Variants in TESPA1 observed in about 807,000 individuals in gnomAD.
The protein encoded by TESPA1 is protein TESPA1.
A neutral mutation model predicts 57.9 loss-of-function variants in TESPA1; 33 were observed. The ratio of observed to expected loss-of-function variants is 0.57; its 90% CI spans 0.43 to 0.76. The LOEUF (loss-of-function observed/expected upper bound fraction) is 0.76. TESPA1 is among the 30% of genes least tolerant of loss of function. TESPA1 has a pLI of 0.00. For missense variants in TESPA1, 618 were observed against 632.9 expected (o/e 0.98, Z 0.25); for synonymous variants, 227 against 228.9 (o/e 0.99, Z 0.07).
intron 10 of TESPA1, among the ~76,000 whole-genome samples, chr12:54,958,117 G>T (rs542312014): frequency 2.0e-5 from 3 of 152,320 alleles, no homozygotes; most frequent in African/African-American, 7.2e-5. Context: ...ACAAAGTTGG[G>T]ACAGGTTTGT....
chr12:54,970,913 T>G (rs941676074), intron 3 of TESPA1, among the ~76,000 whole-genome samples: 3 of 152,196 alleles, frequency 2.0e-5, no homozygotes, highest in Non-Finnish European at 4.4e-5. Context: ...CAGATGATTT[T>G]TGGGCTCCCA....
At chr12:54,985,128 C>T (rs181335035), upstream of TESPA1, among the ~76,000 whole-genome samples, 424 of 152,320 alleles carry the variant, frequency 2.8e-3, 2 homozygotes, top group Non-Finnish European at 5.0e-3. Flanking sequence ...AGTTTCCAGT[C>T]GTATCACACA....
chr12:54,980,302 A>G (rs1485409717), intron 1 of TESPA1, among the ~76,000 whole-genome samples: 1 of 152,232 alleles, frequency 6.6e-6, no homozygotes, highest in Non-Finnish European at 1.5e-5. Context: ...TTGTGTTATT[A>G]GAATAATTTC....
chr12:54,965,978 C>G, intron 7 of TESPA1, 75 bp downstream of exon 7: 4 of 1,384,484 alleles, frequency 2.9e-6, no homozygotes, highest in Non-Finnish European at 4.0e-6. Flanking sequence ...AAAAAACAGG[C>G]AATGGCTCTT....
Position 54,967,197 on chromosome 12 carries a change from G to T in TESPA1, c.296C>A (p.Thr99Asn). Residue 99 changes from threonine to asparagine, a missense_variant, in exon 5 of 11, where the codon ACC (threonine) becomes AAC (asparagine). By Grantham distance (65) the Thr-to-Asn change is moderately conservative. Transcript: ENST00000449076. ...GTGCCACTTACCCTCCGCTCCCAGG[G>T]TCAAGTCATCTTCAAAGCTGGTCCC... ...SHGTSFEDDL[T>N]LGAEATLLAA... 6.2e-7 allele frequency: 1 copy of T among 1,612,724 alleles called. No homozygotes were observed. The highest frequency in any genetic ancestry group is 2.2e-5 in the East Asian group (1 of 44,832).
At chr12:54,950,623 G>A (rs900046568) in intron 10 of TESPA1, among the ~76,000 whole-genome samples, 3 of 152,128 alleles carry the variant, frequency 2.0e-5, no homozygotes, top group African/African-American at 7.2e-5. Context: ...TACTTATAAA[G>A]GCATACATTT....
chr12:54,956,793 T>C (rs12305555), intron 10 of TESPA1, among the ~76,000 whole-genome samples: 3,269 of 152,258 alleles, frequency 0.021, 102 homozygotes, highest in African/African-American at 0.071. Context: ...AAAGCCTGCA[T>C]CTGGTGAGGG....
chr12:54,961,933 A>G (rs1473135425), intron 9 of TESPA1, among the ~76,000 whole-genome samples: 2 of 152,204 alleles, frequency 1.3e-5, no homozygotes, highest in Admixed American at 6.5e-5. Flanking sequence ...AGGTCTGGGC[A>G]CTGGAAGATA....
At position 54,948,151 on chromosome 12, in the gene TESPA1, A is replaced by T. The variant is rs144183475; in HGVS notation, c.*2241T>A. The stretch of plus-strand genomic sequence containing the variant: ...TAGTGGAAAATTACAGTCAAAGGGG[A>T]TTATTCTCTGGCAGGCAGGGGTGGG... On this transcript the variant is annotated 3_prime_UTR_variant, in exon 11 of 11. Coordinates refer to ENST00000449076, the MANE Select transcript of TESPA1 (RefSeq NM_001136030.3). 3.5e-4 allele frequency: 54 copies of T among 152,186 alleles called. No individual in the cohort carries two copies. In the East Asian group the frequency reaches 9.5e-3, roughly 27 times the overall value. 9.4% of individuals were successfully genotyped at this position (152,186 alleles called of 1,614,324 possible).
In TESPA1 at chr12:54,949,811, G is replaced by T. The variant is rs1256308431; in HGVS notation, c.*581C>A. 2.0e-5 allele frequency: 3 copies of T among 152,448 alleles called. No individual in the cohort carries two copies. The highest frequency in any genetic ancestry group is 2.1e-4 in the South Asian group (1 of 4,830). 9.4% of individuals were successfully genotyped at this position (152,448 alleles called of 1,614,324 possible). ...CTCCAAGTTGATTTCTTCAAAGGAGGTCTCAAGAAGAAAAATAGGACTCCA... is the reference window on the plus strand; with the variant it reads ...CTCCAAGTTGATTTCTTCAAAGGAGTTCTCAAGAAGAAAAATAGGACTCCA... On this transcript the variant is annotated 3_prime_UTR_variant, in exon 11 of 11. Coordinates refer to ENST00000449076, the MANE Select transcript of TESPA1 (RefSeq NM_001136030.3).
chr12:54,976,176 C>G (rs1565171), intron 1 of TESPA1, among the ~76,000 whole-genome samples: 1 of 151,970 alleles, frequency 6.6e-6, no homozygotes, highest in Non-Finnish European at 1.5e-5. Flanking sequence ...TCCATTAAAT[C>G]GTGATGTTTG....
At chr12:54,975,007 T>G (rs2136194295) in intron 1 of TESPA1, among the ~76,000 whole-genome samples, 1 of 152,334 alleles carries the variant, frequency 6.6e-6, no homozygotes. Context: ...GTTTACAACT[T>G]ATAAAATTCA....
At chr12:54,961,090 T>C in intron 10 of TESPA1, 78 bp downstream of exon 10, 5 of 1,503,106 alleles carry the variant, frequency 3.3e-6, no homozygotes, top group Non-Finnish European at 4.5e-6. Flanking sequence ...TTATTATGGG[T>C]TTAAAAAAAA....
intron 10 of TESPA1, among the ~76,000 whole-genome samples, chr12:54,955,697 T>C (rs569443224): frequency 6.3e-4 from 96 of 152,370 alleles, no homozygotes; most frequent in African/African-American, 2.0e-3. Context: ...CTGTAATACA[T>C]ATCATAGTCT....
At chr12:54,978,320 C>A (rs1235900734) in intron 1 of TESPA1, among the ~76,000 whole-genome samples, 1 of 152,120 alleles carries the variant, frequency 6.6e-6, no homozygotes, top group East Asian at 1.9e-4. Context: ...TATGGCATGT[C>A]AGTTAGGCTT....
chr12:54,962,579 T>G lies in TESPA1; in HGVS notation c.1319A>C (p.Lys440Thr). Residue 440 changes from lysine (K) to threonine (T), a missense_variant, in exon 9 of 11, where the codon AAG becomes ACG. Transcript: ENST00000449076. ...CATGAGATTCTTCTGGAAGAGGCTC[T>G]TTCTTGCTCTGCTCTTTCTTTTCCA... Reference protein sequence around the residue: ...TFWKRKSRARKSLFQKNLMGR... With the variant: ...TFWKRKSRARTSLFQKNLMGR... 1 of 1,613,986 alleles carries G rather than the reference T, an allele frequency of 6.2e-7. No individual in the cohort carries two copies. The highest frequency in any genetic ancestry group is 8.5e-7 in the Non-Finnish European group (1 of 1,179,902).
At chr12:54,971,304 G>A (rs1462802111) in intron 3 of TESPA1, among the ~76,000 whole-genome samples, 1 of 152,222 alleles carries the variant, frequency 6.6e-6, no homozygotes, top group Non-Finnish European at 1.5e-5. Context: ...CTGTGGCCTT[G>A]GAGCATGGAA....
intron 9 of TESPA1, 96 bp downstream of exon 9, chr12:54,962,335 G>C: frequency 1.4e-6 from 2 of 1,381,540 alleles, no homozygotes; most frequent in Non-Finnish European, 2.0e-6. Flanking sequence ...AGGAAGCCTG[G>C]ATTATTTTTC....
chr12:54,951,673 G>A (rs1950400032), intron 10 of TESPA1, among the ~76,000 whole-genome samples: 1 of 151,964 alleles, frequency 6.6e-6, no homozygotes, highest in Non-Finnish European at 1.5e-5. Context: ...AAATACAATG[G>A]TATCTTTGCA....
Sources: gnomAD v4.1 joint callset for allele counts (sites outside exome capture counted in the v4.1 genomes callset) on GRCh38, gnomAD v4.1.1 for gene constraint, MANE v1.5 for transcripts, NCBI Gene and HGNC (gene_info 2026-07-23, HGNC 2026-07-21) for gene names.